IL1RAPL1: variants seen among roughly 807,000 people sequenced by gnomAD.
IL1RAPL1 encodes interleukin 1 receptor accessory protein like 1.
IL1RAPL1 carries 3 observed loss-of-function variants against 48.4 expected under a neutral mutation model. That is an observed-to-expected ratio of 0.06 (90% CI 0.03 to 0.16). The LOEUF is 0.16. Among genes scored for constraint, IL1RAPL1 ranks in the 10% least tolerant of loss-of-function variants. The pLI, the probability that IL1RAPL1 is intolerant of heterozygous loss-of-function variation, is 1.00. For synonymous variants in IL1RAPL1, 185 were observed against 187.7 expected (o/e 0.99, Z 0.12); for missense variants, 349 against 530.6 (o/e 0.66, Z 3.36).
chrX:29,763,397 T>C (rs184727780), intron 6 of IL1RAPL1, among the ~76,000 whole-genome samples: 105 of 111,643 alleles, frequency 9.4e-4, no homozygotes, highest in African/African-American at 3.3e-3. Context: ...AACTAATTCG[T>C]ATATAATGTG....
intron 6 of IL1RAPL1, among the ~76,000 whole-genome samples, chrX:29,854,076 G>A (rs754963639): frequency 3.6e-5 from 4 of 111,592 alleles, no homozygotes; most frequent in Non-Finnish European, 5.6e-5. Context: ...CCAAATTTTC[G>A]AGGTACGAAG....
chrX:29,451,610 C>G (rs779187143), intron 5 of IL1RAPL1, among the ~76,000 whole-genome samples: 2 of 111,671 alleles, frequency 1.8e-5, no homozygotes, highest in South Asian at 3.7e-4. Flanking sequence ...TTCTCTCTCT[C>G]TGTCTCTCTC....
chrX:29,325,177 T>A (rs1932835351), intron 3 of IL1RAPL1, among the ~76,000 whole-genome samples: 1 of 112,292 alleles, frequency 8.9e-6, no homozygotes. Context: ...TGCATATATG[T>A]CTCAATCATC....
chrX:29,517,792 T>C (rs1338875320), intron 5 of IL1RAPL1, among the ~76,000 whole-genome samples: 1 of 112,086 alleles, frequency 8.9e-6, no homozygotes, highest in Non-Finnish European at 1.9e-5. Context: ...AAAATACATC[T>C]AGTAATCATT....
At chrX:29,006,809 G>C (rs1925996147) in intron 2 of IL1RAPL1, among the ~76,000 whole-genome samples, 2 of 108,674 alleles carry the variant, frequency 1.8e-5, no homozygotes, top group Admixed American at 2.0e-4. Context: ...GACAGCTGGG[G>C]GCTCAATTTT....
intron 5 of IL1RAPL1, among the ~76,000 whole-genome samples, chrX:29,554,177 C>T (rs1358539004): frequency 9.0e-6 from 1 of 110,737 alleles, no homozygotes; most frequent in East Asian, 2.8e-4. Context: ...CCAACAAAAA[C>T]GATGGAACAA....
chrX:29,284,937 C>T (rs1932258600), intron 3 of IL1RAPL1, among the ~76,000 whole-genome samples: 1 of 111,298 alleles, frequency 9.0e-6, no homozygotes, highest in African/African-American at 3.3e-5. Flanking sequence ...CCCATTTGAC[C>T]AATAGTAATT....
At chrX:28,912,830 C>T (rs1218944110) in intron 2 of IL1RAPL1, among the ~76,000 whole-genome samples, 1 of 111,119 alleles carries the variant, frequency 9.0e-6, no homozygotes, top group Non-Finnish European at 1.9e-5. Flanking sequence ...ATTATTCTAA[C>T]CTTTTGAAAA....
intron 5 of IL1RAPL1, among the ~76,000 whole-genome samples, chrX:29,630,099 T>G (rs1192798484): frequency 8.9e-6 from 1 of 111,937 alleles, no homozygotes; most frequent in East Asian, 2.8e-4. Context: ...AAGTCCCAGA[T>G]CAGTGTGCCA....
intron 6 of IL1RAPL1, among the ~76,000 whole-genome samples, chrX:29,727,775 C>G (rs1395486338): frequency 9.0e-6 from 1 of 111,424 alleles, no homozygotes; most frequent in African/African-American, 3.3e-5. Flanking sequence ...CAAGTGTGCT[C>G]TCAAAAACTG....
At chrX:29,058,403 ACTTACACCCATTCC>A (rs1268898626) in intron 2 of IL1RAPL1, among the ~76,000 whole-genome samples, 56 of 111,297 alleles carry the variant, frequency 5.0e-4, no homozygotes, top group African/African-American at 1.7e-3. Context: ...AAGAAAATAC[ACTTACACCCATTCC>A]CAGGTAAAAT....
Position 29,312,855 on chromosome X carries a change from C to T in IL1RAPL1, c.362+29638C>T, listed in dbSNP as rs764716624. ...TTCTGGTGGTAGTGAATAAGTCTCA[C>T]GAGATCTCATGGTTTCATAAGGGGT... On this transcript the variant is annotated intron_variant, in intron 3 of 10. Transcript: ENST00000378993. Among the ~76,000 whole-genome samples the T allele has an allele frequency of 1.1e-3, 117 of 110,820 alleles. 1 individual carries two copies. The highest frequency in any genetic ancestry group is 2.6e-4 in the Non-Finnish European group (14 of 52,903).
intron 2 of IL1RAPL1, among the ~76,000 whole-genome samples, chrX:29,215,534 A>G (rs1432413704): frequency 1.8e-5 from 2 of 111,008 alleles, no homozygotes; most frequent in East Asian, 5.6e-4. Context: ...TTGTTTGAAA[A>G]TGGTCTCATC....
At chrX:28,842,410 T>C (rs991746575) in intron 2 of IL1RAPL1, among the ~76,000 whole-genome samples, 5 of 111,628 alleles carry the variant, frequency 4.5e-5, no homozygotes, top group Non-Finnish European at 9.5e-5. Flanking sequence ...AGTTCTGTTC[T>C]TTAATCTCTG....
intron 6 of IL1RAPL1, among the ~76,000 whole-genome samples, chrX:29,914,691 AAAAAAAC>A (rs376296583): frequency 0.15 from 16,238 of 110,689 alleles, 917 homozygotes; most frequent in African/African-American, 0.17. Context: ...CCTGGTACAA[AAAAAAAC>A]AAAAACAAAA....
intron 5 of IL1RAPL1, among the ~76,000 whole-genome samples, chrX:29,618,218 C>G (rs1265300899): frequency 8.9e-6 from 1 of 112,007 alleles, no homozygotes; most frequent in Non-Finnish European, 1.9e-5. Context: ...TACAAAATTG[C>G]TCATTAGCCT....
chrX:29,829,943 A>G (rs753208284), intron 6 of IL1RAPL1, among the ~76,000 whole-genome samples: 2 of 112,197 alleles, frequency 1.8e-5, no homozygotes, highest in East Asian at 5.6e-4. Flanking sequence ...TTAAAATATG[A>G]TTCTCTTTGT....
intron 2 of IL1RAPL1, among the ~76,000 whole-genome samples, chrX:29,111,027 A>G (rs563461412): frequency 9.0e-6 from 1 of 111,725 alleles, no homozygotes; most frequent in African/African-American, 3.2e-5. Context: ...TGTTTGAAAG[A>G]TTCTTTTGTA....
At chrX:29,275,335 C>A (rs771942009) in intron 2 of IL1RAPL1, among the ~76,000 whole-genome samples, 13 of 111,626 alleles carry the variant, frequency 1.2e-4, no homozygotes, top group Non-Finnish European at 2.3e-4. Context: ...TACGGGGCTA[C>A]AGAATTAAGT....
Sources: allele counts gnomAD v4.1 joint callset (sites outside exome capture counted in the v4.1 genomes callset), GRCh38; gene constraint gnomAD v4.1.1; transcripts MANE v1.5; gene names NCBI Gene and HGNC (gene_info 2026-07-23, HGNC 2026-07-21).